Variants in RAB10 observed in about 807,000 individuals in gnomAD.
RAB10 encodes ras-related protein Rab-10.
RAB10 carries 5 observed loss-of-function variants against 25.7 expected under a neutral mutation model. The ratio of observed to expected loss-of-function variants is 0.19; its 90% confidence interval spans 0.10 to 0.41. The LOEUF (loss-of-function observed/expected upper bound fraction) is 0.41, where lower values mean the gene tolerates loss of function less well. RAB10 is among the 10% of genes least tolerant of loss of function. The pLI is 1.00. For synonymous variants in RAB10, 89 were observed against 86.4 expected, an observed-to-expected ratio of 1.03 and a Z score of -0.16; for missense variants, 103 against 245.8, an observed-to-expected ratio of 0.42 and a Z score of 3.89.
chr2:26,096,213 C>G (rs1007585931), intron 1 of RAB10, among the ~76,000 whole-genome samples: 1 of 152,182 alleles, frequency 6.6e-6, no homozygotes, highest in Non-Finnish European at 1.5e-5. Flanking sequence ...TTAGCCCTGT[C>G]TTTCACTTTG....
chr2:26,128,329 T>C (rs1475235648), intron 5 of RAB10, among the ~76,000 whole-genome samples: 1 of 152,198 alleles, frequency 6.6e-6, no homozygotes, highest in Non-Finnish European at 1.5e-5. Context: ...CACTTGCTGC[T>C]CACCTCCTGC....
chr2:26,085,488 CAAA>C (rs530578914), intron 1 of RAB10, among the ~76,000 whole-genome samples: 9 of 81,698 alleles, frequency 1.1e-4, no homozygotes, highest in Admixed American at 1.4e-4. Context: ...GACTGTGTCT[CAAA>C]AAAAAAAAAA....
At chr2:26,051,364 C>T (rs1333134803) in intron 1 of RAB10, among the ~76,000 whole-genome samples, 70 of 8,616 alleles carry the variant, frequency 8.1e-3, no homozygotes, top group East Asian at 0.038. Flanking sequence ...CTTTTTGCCC[C>T]CCCCCCCCCC....
chr2:26,062,694 A>AT (rs1666429408), intron 1 of RAB10, among the ~76,000 whole-genome samples: 1 of 151,814 alleles, frequency 6.6e-6, no homozygotes, highest in South Asian at 2.1e-4. Context: ...AAATAAATAA[A>AT]TAAATAAATA....
At chr2:26,081,669 A>G (rs1331780248) in intron 1 of RAB10, among the ~76,000 whole-genome samples, 1 of 152,232 alleles carries the variant, frequency 6.6e-6, no homozygotes, top group East Asian at 1.9e-4. Context: ...GAGAAGTTGG[A>G]TAAAGAGGTA....
intron 1 of RAB10, among the ~76,000 whole-genome samples, chr2:26,042,006 C>CTT (rs1213102747): frequency 6.6e-6 from 1 of 152,158 alleles, no homozygotes; most frequent in African/African-American, 2.4e-5. Context: ...TTGATTTGAC[C>CTT]ATAACCATCT....
chr2:26,109,091 T>C (rs1667522296), intron 2 of RAB10, among the ~76,000 whole-genome samples: 1 of 151,890 alleles, frequency 6.6e-6, no homozygotes, highest in South Asian at 2.1e-4. Context: ...TTTGTATTTT[T>C]AGTAGAGATG....
Position 26,135,084 on chromosome 2 carries a change from A to G in RAB10, c.*63A>G. The G allele has an allele frequency of 7.5e-7, 1 of 1,337,526 alleles. No homozygotes were observed. Among genetic ancestry groups the G allele is most frequent in the Non-Finnish European group, 1.1e-6 (1 of 950,388 alleles). 82.9% of individuals were successfully genotyped at this position (1,337,526 alleles called of 1,614,324 possible). On this transcript the variant is annotated 3_prime_UTR_variant, in exon 6 of 6. Transcript: ENST00000264710. ...GTTTTCTCTTCTTGCTGCAAAATAA[A>G]CCACTCTGTCCATTTTTAACTCTAA...
Position 26,111,606 on chromosome 2 carries a change from C to CAA in RAB10, c.327+1714_327+1715dup, listed in dbSNP as rs11347877. Among the ~76,000 whole-genome samples the CAA allele has an allele frequency of 7.7e-3, 1,081 of 139,722 alleles. 17 individuals are homozygous for CAA. The highest frequency in any genetic ancestry group is 0.027 in the African/African-American group (1,035 of 37,740). The allele number at this position is 139,722 out of a possible 152,430, so 91.7% of individuals were successfully genotyped here. ...GGGCAACAAGAGCGAAACTCCATCT[C>CAA]AAAAAAAAAAAAAAATACAAATCTT... On this transcript the variant is annotated intron_variant, in intron 3 of 5. Transcript: ENST00000264710.
At chr2:26,079,340 C>T (rs1456131431) in intron 1 of RAB10, among the ~76,000 whole-genome samples, 3 of 151,310 alleles carry the variant, frequency 2.0e-5, no homozygotes, top group Non-Finnish European at 2.9e-5. Context: ...CACACACACA[C>T]ACACACACAC....
chr2:26,130,004 A>G (rs999519678), intron 5 of RAB10, among the ~76,000 whole-genome samples: 1 of 152,208 alleles, frequency 6.6e-6, no homozygotes, highest in African/African-American at 2.4e-5. Flanking sequence ...GCAACTAGAG[A>G]ACTGGAAGGG....
At chr2:26,055,148 G>A (rs145972346) in intron 1 of RAB10, among the ~76,000 whole-genome samples, 1 of 152,174 alleles carries the variant, frequency 6.6e-6, no homozygotes, top group Non-Finnish European at 1.5e-5. Flanking sequence ...ATGCAATGGT[G>A]TGTAGTATAC....
intron 1 of RAB10, 92 bp downstream of exon 1, chr2:26,034,827 G>A (rs923742416): frequency 2.2e-5 from 34 of 1,520,508 alleles, no homozygotes; most frequent in Non-Finnish European, 2.6e-5. Context: ...ATACGCCTTT[G>A]TTTCAGTGAT....
At chr2:26,040,206 C>T (rs971593088) in intron 1 of RAB10, among the ~76,000 whole-genome samples, 4 of 152,152 alleles carry the variant, frequency 2.6e-5, no homozygotes, top group Middle Eastern at 3.2e-3. Flanking sequence ...ACTTGGAGTG[C>T]AGTGGTGCAA....
intron 1 of RAB10, among the ~76,000 whole-genome samples, chr2:26,045,733 AT>A (rs1665988259): frequency 6.6e-6 from 1 of 152,144 alleles, no homozygotes; most frequent in African/African-American, 2.4e-5. Context: ...GAGGAGTTTC[AT>A]TTTTATTTGA....
intron 3 of RAB10, among the ~76,000 whole-genome samples, chr2:26,117,087 G>C (rs967132793): frequency 6.6e-6 from 1 of 152,136 alleles, no homozygotes; most frequent in African/African-American, 2.4e-5. Flanking sequence ...CTTTTTAGTA[G>C]TATTACTTGG....
chr2:26,108,071 G>C (rs1667502071), intron 2 of RAB10, among the ~76,000 whole-genome samples: 1 of 152,186 alleles, frequency 6.6e-6, no homozygotes, highest in South Asian at 2.1e-4. Context: ...CAAATGTCAA[G>C]TGATAGAGCC....
intron 1 of RAB10, among the ~76,000 whole-genome samples, chr2:26,069,383 T>A (rs1018103407): frequency 6.6e-6 from 1 of 152,110 alleles, no homozygotes; most frequent in African/African-American, 2.4e-5. Flanking sequence ...GAAGGGCATT[T>A]AAAAAAACTT....
chr2:26,123,258 G>T (rs1423610126), intron 3 of RAB10, among the ~76,000 whole-genome samples: 1 of 152,114 alleles, frequency 6.6e-6, no homozygotes, highest in Admixed American at 6.5e-5. Flanking sequence ...AACCCCATGA[G>T]TTTAACACCG....
Sources: gnomAD v4.1 joint callset for allele counts (sites outside exome capture counted in the v4.1 genomes callset) on GRCh38, gnomAD v4.1.1 for gene constraint, MANE v1.5 for transcripts, NCBI Gene and HGNC (gene_info 2026-07-23, HGNC 2026-07-21) for gene names.